The following ABI3BP variants were observed in gnomAD, a reference collection of about 807,000 sequenced individuals.
ABI3BP encodes ABI family member 3 binding protein, also known as target of Nesh-SH3.
ABI3BP carries 216 observed loss-of-function variants against 268.6 expected under a neutral mutation model. The observed-to-expected ratio is 0.80, with a 90% CI of 0.72 to 0.90. ABI3BP has a LOEUF of 0.90. ABI3BP is among the 40% of genes least tolerant of loss of function. The pLI is 0.00. For synonymous variants in ABI3BP, 730 were observed against 730.0 expected, an observed-to-expected ratio of 1.00 and a Z score of 0.00; for missense variants, 2,090 against 2,182.4, an observed-to-expected ratio of 0.96 and a Z score of 0.84.
rs1452230891 is a variant in ABI3BP, at chr3:100,749,915, T to C, written c.*580A>G. ...TGTTTAAAGGAAATGTATATTAGCATGAATGTGTAACTATTAAACTCCTCC... is the reference window on the plus strand; with the variant it reads ...TGTTTAAAGGAAATGTATATTAGCACGAATGTGTAACTATTAAACTCCTCC... On this transcript the variant is annotated 3_prime_UTR_variant, in exon 68 of 68. Transcript: ENST00000471714. 5.1e-6 allele frequency: 2 copies of C among 393,398 alleles called. No individual in the cohort carries two copies. Among genetic ancestry groups the C allele is most frequent in the Non-Finnish European group, 9.0e-6 (2 of 223,130 alleles). 24.4% of individuals were successfully genotyped at this position (393,398 alleles called of 1,614,324 possible).
At chr3:100,859,739 G>A (rs908698261) in intron 14 of ABI3BP, among the ~76,000 whole-genome samples, 8 of 152,096 alleles carry the variant, frequency 5.3e-5, no homozygotes, top group Non-Finnish European at 8.8e-5. Flanking sequence ...AAATGGAAGC[G>A]TTGCACACTA....
rs1560110723 is a variant in ABI3BP at position 100,789,331 on chromosome 3, C to A, written c.4087+123G>T. On this transcript the variant is annotated intron_variant, in intron 56 of 67. Coordinates refer to ENST00000471714, the MANE Select transcript of ABI3BP (RefSeq NM_001375547.2). ...TACCTTTCCACTTATCCACACAGAT[C>A]AGAGTCTCTGTACATCTCTTATTGC... 7.1e-6 allele frequency: 6 copies of A among 847,900 alleles called. No homozygotes were observed. In the East Asian group the frequency reaches 1.1e-4, roughly 15 times the overall value. 52.5% of individuals were successfully genotyped at this position (847,900 alleles called of 1,614,324 possible).
chr3:100,930,826 T>A (rs1397409268), intron 1 of ABI3BP: 1 of 152,060 alleles, frequency 6.6e-6, no homozygotes, highest in Non-Finnish European at 1.5e-5. Flanking sequence ...GAGGGACTCC[T>A]CCATAACTCA....
chr3:100,834,200 C>G (rs1283764077), intron 29 of ABI3BP, among the ~76,000 whole-genome samples: 2 of 152,094 alleles, frequency 1.3e-5, no homozygotes, highest in African/African-American at 4.8e-5. Context: ...ACTTATCAGC[C>G]CACAGATGTT....
intron 4 of ABI3BP, among the ~76,000 whole-genome samples, chr3:100,895,125 T>G (rs1252488297): frequency 6.6e-6 from 1 of 151,816 alleles, no homozygotes; most frequent in East Asian, 1.9e-4. Context: ...AAGCTATTAA[T>G]GGTGAAATAA....
At chr3:100,940,225 G>A (rs995910415) in intron 1 of ABI3BP, among the ~76,000 whole-genome samples, 1 of 152,026 alleles carries the variant, frequency 6.6e-6, no homozygotes, top group East Asian at 1.9e-4. Flanking sequence ...AATAAAGACA[G>A]GCATAGGAAA....
intron 62 of ABI3BP, among the ~76,000 whole-genome samples, chr3:100,767,257 T>C (rs1042205074): frequency 6.6e-6 from 1 of 152,170 alleles, no homozygotes; most frequent in African/African-American, 2.4e-5. Context: ...AGATTTTTCA[T>C]TGCATATTTA....
At chr3:100,885,456 G>T in intron 6 of ABI3BP, 80 bp downstream of exon 6, 1 of 755,696 alleles carries the variant, frequency 1.3e-6, no homozygotes, top group Non-Finnish European at 2.0e-6. Context: ...TCTAATTTCA[G>T]TATCTTATAA....
intron 62 of ABI3BP, among the ~76,000 whole-genome samples, chr3:100,767,475 G>C (rs1319380998): frequency 6.6e-6 from 1 of 151,950 alleles, no homozygotes; most frequent in Non-Finnish European, 1.5e-5. Context: ...GAACGGACTG[G>C]AAAGGGAGAG....
intron 50 of ABI3BP, 92 bp downstream of exon 50, chr3:100,808,069 C>CA (rs1284477220): frequency 9.0e-7 from 1 of 1,106,478 alleles, no homozygotes; most frequent in Non-Finnish European, 1.3e-6. Flanking sequence ...GTTAAAGACT[C>CA]AATCTGCTAT....
chr3:100,817,132 T>C (rs985018241), intron 42 of ABI3BP, among the ~76,000 whole-genome samples: 1 of 152,168 alleles, frequency 6.6e-6, no homozygotes, highest in African/African-American at 2.4e-5. Context: ...AGCAACTGTG[T>C]TTGAAATTTA....
At chr3:100,782,149 A>G (rs1056002638) in intron 57 of ABI3BP, among the ~76,000 whole-genome samples, 1 of 152,176 alleles carries the variant, frequency 6.6e-6, no homozygotes, top group Admixed American at 6.5e-5. Flanking sequence ...GCTGGCAAGC[A>G]TGTGTTATCC....
intron 1 of ABI3BP, among the ~76,000 whole-genome samples, chr3:100,979,479 G>A (rs776998961): frequency 6.6e-6 from 1 of 152,034 alleles, no homozygotes; most frequent in Non-Finnish European, 1.5e-5. Flanking sequence ...TCCCTAAAAG[G>A]ATCTTTACTC....
chr3:100,894,670 T>A (rs746988717), intron 4 of ABI3BP, among the ~76,000 whole-genome samples: 4 of 152,040 alleles, frequency 2.6e-5, no homozygotes, highest in South Asian at 2.1e-4. Context: ...CCGGGCGCGG[T>A]GGCTCACGCC....
chr3:100,783,314 A>G (rs894234427), intron 57 of ABI3BP, among the ~76,000 whole-genome samples: 20 of 152,222 alleles, frequency 1.3e-4, no homozygotes, highest in African/African-American at 4.8e-4. Flanking sequence ...CAGCACACTC[A>G]TGTGGGGGCA....
chr3:100,828,246 G>A (rs2098423437), intron 34 of ABI3BP, 147 bp downstream of exon 34: 2 of 647,636 alleles, frequency 3.1e-6, no homozygotes, highest in Non-Finnish European at 2.6e-6. Context: ...AGATTCAGAT[G>A]TAGCTCTCTT....
chr3:100,768,152 C>G (rs947190205), intron 62 of ABI3BP, among the ~76,000 whole-genome samples: 3 of 148,984 alleles, frequency 2.0e-5, no homozygotes, highest in African/African-American at 5.0e-5. Context: ...GCAGTGACGC[C>G]ATCTCGGCTC....
At chr3:100,786,158 A>G (rs1433287468) in intron 57 of ABI3BP, among the ~76,000 whole-genome samples, 1 of 152,110 alleles carries the variant, frequency 6.6e-6, no homozygotes, top group Non-Finnish European at 1.5e-5. Context: ...GGGGATCCCA[A>G]TCAACAAATA....
chr3:100,905,233 G>A (rs1441771101), intron 2 of ABI3BP, among the ~76,000 whole-genome samples: 1 of 152,130 alleles, frequency 6.6e-6, no homozygotes, highest in African/African-American at 2.4e-5. Context: ...CACACAGGAA[G>A]GGGAACATCA....
Sources: gnomAD v4.1 joint callset for allele counts (sites outside exome capture counted in the v4.1 genomes callset) on GRCh38, gnomAD v4.1.1 for gene constraint, MANE v1.5 for transcripts, NCBI Gene and HGNC (gene_info 2026-07-23, HGNC 2026-07-21) for gene names.